BRD3: variants seen among roughly 807,000 people sequenced by gnomAD.
BRD3 encodes the protein bromodomain-containing protein 3.
In BRD3, 17 loss-of-function variants were observed where a neutral mutation model predicts 66.8. The observed-to-expected ratio is 0.25, with a 90% CI of 0.17 to 0.38. The LOEUF (loss-of-function observed/expected upper bound fraction) is 0.38, where lower values mean the gene tolerates loss of function less well. Among genes scored for constraint, BRD3 ranks in the 10% least tolerant of loss-of-function variants. The pLI, the probability that BRD3 is intolerant of heterozygous loss-of-function variation, is 1.00. For synonymous variants in BRD3, 421 were observed against 393.2 expected, an observed-to-expected ratio of 1.07 and a Z score of -0.84; for missense variants, 713 against 956.1, an observed-to-expected ratio of 0.75 and a Z score of 3.35.
intron 4 of BRD3, 59 bp downstream of exon 4, chr9:134,051,503 A>G: frequency 1.4e-6 from 2 of 1,451,526 alleles, no homozygotes; most frequent in South Asian, 3.0e-5. Context: ...GTCCCAGCCC[A>G]TCCACCCGTG....
upstream of BRD3, chr9:134,068,167 GCGCCCCGCCCCGGGGGCCCCCGCC>G (rs1315829303): frequency 7.0e-6 from 1 of 143,060 alleles, no homozygotes; most frequent in Non-Finnish European, 1.5e-5. Flanking sequence ...CGCCGGCGCC[GCGCCCCGCCCCGGGGGCCCCCGCC>G]CGCCCCGCCG....
At chr9:134,063,927 A>T (rs1047316230) in intron 1 of BRD3, among the ~76,000 whole-genome samples, 6 of 151,922 alleles carry the variant, frequency 3.9e-5, no homozygotes, top group African/African-American at 1.5e-4. Flanking sequence ...ATACCGGATT[A>T]ACTTCTGACG....
intron 1 of BRD3, among the ~76,000 whole-genome samples, chr9:134,055,364 G>A (rs1830396949): frequency 6.6e-6 from 1 of 152,114 alleles, no homozygotes; most frequent in Non-Finnish European, 1.5e-5. Flanking sequence ...ACCGAGTCCT[G>A]AGACCTGTGT....
At chr9:134,059,419 G>A (rs1240255867) in intron 1 of BRD3, among the ~76,000 whole-genome samples, 1 of 152,228 alleles carries the variant, frequency 6.6e-6, no homozygotes, top group Non-Finnish European at 1.5e-5. Context: ...GGGGCAGATG[G>A]ACTCAGGTGG....
chr9:134,048,336 C>T lies in BRD3; in HGVS notation c.833G>A (p.Arg278Gln), dbSNP rs1464507474. ...GATGGGGCGGCCACCACTCTCCCGCCGGGCCACCACTTTGGCCTGCTTGGG... is the reference window on the plus strand; with the variant it reads ...GATGGGGCGGCCACCACTCTCCCGCTGGGCCACCACTTTGGCCTGCTTGGG... ...SDPKQAKVVARRESGGRPIKP... is the reference protein window; with the variant it reads ...SDPKQAKVVAQRESGGRPIKP... Residue 278 changes from arginine to glutamine, a missense_variant, in exon 6 of 12, where the codon CGG becomes CAG. Around this residue, in one of 5 missense-constraint regions of BRD3, gnomAD observed 418 missense variants for 609.3 expected, o/e 0.69. Coordinates refer to ENST00000303407, the MANE Select transcript of BRD3 (RefSeq NM_007371.4). The T allele has an allele frequency of 5.0e-6, 8 of 1,599,022 alleles. No individual in the cohort carries two copies. Among genetic ancestry groups the T allele is most frequent in the Admixed American group, 3.3e-5 (2 of 59,960 alleles).
rs941485690 is a variant in BRD3 at position 134,064,013 on chromosome 9, C to A, written c.-114+3932G>T. Among the ~76,000 whole-genome samples, 48 of 152,346 alleles carry A rather than the reference C, an allele frequency of 3.2e-4. No individual in the cohort carries two copies. The East Asian group carries it at 9.3e-3, about 29-fold the overall frequency. ...CACGCCCCATCTTCCCAACACCAGG[C>A]TCCGAAGGCCCTGTGAGGAGGCAGC... is the stretch of plus-strand genomic sequence containing the variant. On this transcript the variant is annotated intron_variant, in intron 1 of 11. Coordinates refer to ENST00000303407, the MANE Select transcript of BRD3 (RefSeq NM_007371.4).
chr9:134,064,790 G>GGCCCATGATGTCTGT (rs1416810360), intron 1 of BRD3, among the ~76,000 whole-genome samples: 5 of 152,184 alleles, frequency 3.3e-5, no homozygotes, highest in African/African-American at 1.2e-4. Flanking sequence ...CGGGCACAGG[G>GGCCCATGATGTCTGT]GCCCATGATG....
chr9:134,040,378 G>T, intron 8 of BRD3, 109 bp from the exon 9 acceptor site: 1 of 1,276,932 alleles, frequency 7.8e-7, no homozygotes, highest in Non-Finnish European at 1.1e-6. Flanking sequence ...AGCTGCCTCA[G>T]CTGGGTGAGG....
In BRD3 at chr9:134,040,122, T is replaced by C; in HGVS notation, c.1555A>G (p.Lys519Glu). The change falls in exon 9 of 12, where the codon AAG (lysine) becomes GAG (glutamate). Residue 519 changes from lysine (K) to glutamate (E), a missense_variant. Physicochemically the swap from Lys to Glu is moderately conservative, Grantham distance 56. Around this residue, in one of 5 missense-constraint regions of BRD3, gnomAD observed 418 missense variants for 609.3 expected, o/e 0.69. Coordinates refer to ENST00000303407, the MANE Select transcript of BRD3 (RefSeq NM_007371.4). ...GCAGGCGGAGCCACCTTGGCCTTCT[T>C]CTCTTCCTCGGCCTTCACTTTGTGC... ...EKHKVKAEEEKKAKVAPPAKQ... is the reference protein window; with the variant it reads ...EKHKVKAEEEEKAKVAPPAKQ... 1.3e-6 allele frequency: 2 copies of C among 1,572,178 alleles called. No homozygotes were observed. Among genetic ancestry groups the C allele is most frequent in the Non-Finnish European group, 1.7e-6 (2 of 1,159,416 alleles).
rs1184480283 is a variant in BRD3, at chr9:134,052,437, G to T, written c.220C>A (p.His74Asn). 6.2e-7 allele frequency: 1 copy of T among 1,600,694 alleles called. No homozygotes were observed. Residue 74 changes from histidine (H) to asparagine (N), a missense_variant, in exon 3 of 12, where the codon CAT (histidine) becomes AAT (asparagine). Around this residue, in one of 5 missense-constraint regions of BRD3, gnomAD observed 85 missense variants for 152.4 expected, o/e 0.56. Transcript: ENST00000303407. ...DAIKLNLPDY[H>N]KIIKNPMDMG... Reference sequence around the variant, plus strand: ...TCCATTGGGTTTTTAATTATTTTATGATAATCCTAGGAAAGAGATTTTCAG... The same window carrying T: ...TCCATTGGGTTTTTAATTATTTTATTATAATCCTAGGAAAGAGATTTTCAG...
At chr9:134,059,274 T>C (rs1039755532) in intron 1 of BRD3, among the ~76,000 whole-genome samples, 1 of 152,166 alleles carries the variant, frequency 6.6e-6, no homozygotes, top group African/African-American at 2.4e-5. Context: ...CAGCACCCCG[T>C]TCCTCAACAC....
At chr9:134,060,329 A>G (rs1124317) in intron 1 of BRD3, among the ~76,000 whole-genome samples, 102,069 of 152,154 alleles carry the variant, frequency 0.67, 34,518 homozygotes, top group Middle Eastern at 0.77. Flanking sequence ...ATGCGCAGTG[A>G]CTCAGGCCTG....
At chr9:134,067,478 G>A (rs540155055) in intron 1 of BRD3, among the ~76,000 whole-genome samples, 4 of 148,812 alleles carry the variant, frequency 2.7e-5, no homozygotes, top group Admixed American at 1.3e-4. Flanking sequence ...CGCAGGCCGG[G>A]GCCGCCGCGC....
At chr9:134,050,248 A>G (rs911287873) in intron 5 of BRD3, 126 bp downstream of exon 5, 46 of 839,112 alleles carry the variant, frequency 5.5e-5, no homozygotes, top group Middle Eastern at 7.0e-4. Context: ...CAGGGCGCAG[A>G]GAGAAACACT....
chr9:134,067,216 C>T (rs1252321758), intron 1 of BRD3, among the ~76,000 whole-genome samples: 1 of 152,336 alleles, frequency 6.6e-6, no homozygotes, highest in Admixed American at 6.5e-5. Context: ...GATTTTCAGG[C>T]TGATTTCAAA....
At chr9:134,050,308 C>T (rs1830262170) in intron 5 of BRD3, 66 bp downstream of exon 5, 1 of 1,510,208 alleles carries the variant, frequency 6.6e-7, no homozygotes, top group Admixed American at 1.7e-5. Flanking sequence ...CCTGCTGCTC[C>T]TGCCCTGACC....
Position 134,033,652 on chromosome 9 carries a change from AGCT to A in BRD3, c.2116_2118del (p.Ser708del), listed in dbSNP as rs775107837. The stretch of plus-strand genomic sequence containing the variant: ...GAGCTGCTGCTCCCAGACTCGGAGG[AGCT>A]GCTGCTGCTGAGCCTGGACGGGCCC... On this transcript the variant is annotated inframe_deletion, in exon 12 of 12. Coordinates refer to ENST00000303407, the MANE Select transcript of BRD3 (RefSeq NM_007371.4). The surrounding 1 kb of genome is among the most constrained non-coding windows in gnomAD (Gnocchi z 5.1). 6 of 769,736 alleles carry A rather than the reference AGCT, an allele frequency of 7.8e-6. No individual in the cohort carries two copies. Among genetic ancestry groups the A allele is most frequent in the South Asian group, 1.4e-5 (1 of 72,846 alleles). The allele number at this position is 769,736 out of a possible 1,614,324, so 47.7% of individuals were successfully genotyped here.
intron 1 of BRD3, 84 bp from the exon 2 acceptor site, chr9:134,053,674 G>T: frequency 7.9e-7 from 1 of 1,265,450 alleles, no homozygotes; most frequent in Non-Finnish European, 1.1e-6. Flanking sequence ...GCTCCTGAGG[G>T]CACCTGTCGG....
rs1348924339 is a variant in BRD3, at chr9:134,031,353, C to T, written c.*2237G>A. The T allele has an allele frequency of 1.4e-5, 3 of 207,958 alleles. No individual in the cohort carries two copies. Among genetic ancestry groups the T allele is most frequent in the East Asian group, 7.2e-5 (1 of 13,938 alleles). 12.9% of individuals were successfully genotyped at this position (207,958 alleles called of 1,614,324 possible). ...AGCGCCCCCCAGCCCCAGGCACCCC[C>T]GGCTTAGGGTGTACGTATCACCCAG... On this transcript the variant is annotated 3_prime_UTR_variant, in exon 12 of 12. Coordinates refer to ENST00000303407, the MANE Select transcript of BRD3 (RefSeq NM_007371.4).
Sources: gnomAD v4.1 joint callset for allele counts (sites outside exome capture counted in the v4.1 genomes callset) on GRCh38, gnomAD v4.1.1 for gene constraint, gnomAD v4.1.1 regional missense constraint, Gnocchi (gnomAD v3.1) non-coding constraint, MANE v1.5 for transcripts, NCBI Gene and HGNC (gene_info 2026-07-23, HGNC 2026-07-21) for gene names.